The following URI1 variants were observed in gnomAD, a reference collection of about 807,000 sequenced individuals.
URI1 encodes the protein URI1 prefoldin like chaperone.
Under a neutral mutation model 60.2 loss-of-function variants are expected in URI1, and 39 were observed. The ratio of observed to expected loss-of-function variants is 0.65; its 90% confidence interval spans 0.50 to 0.85. The LOEUF is 0.85. Ranked by LOEUF, URI1 falls within the 40% of genes least tolerant of loss-of-function variation. The pLI is 0.00. For synonymous variants in URI1, 251 were observed against 236.8 expected (o/e 1.06, Z -0.55); for missense variants, 691 against 665.9 (o/e 1.04, Z -0.42).
intron 1 of URI1, among the ~76,000 whole-genome samples, chr19:29,955,621 A>G (rs1389918499): frequency 6.6e-6 from 1 of 151,796 alleles, no homozygotes; most frequent in Non-Finnish European, 1.5e-5. Context: ...GTTTCCTGTG[A>G]TCTTCATTGC....
intron 4 of URI1, among the ~76,000 whole-genome samples, chr19:30,002,661 T>A (rs949641738): frequency 6.6e-6 from 1 of 151,966 alleles, no homozygotes; most frequent in Non-Finnish European, 1.5e-5. Flanking sequence ...AATTACTAAT[T>A]TTTTTCTTCA....
intron 1 of URI1, among the ~76,000 whole-genome samples, chr19:29,963,545 C>T (rs954386066): frequency 1.3e-5 from 2 of 152,044 alleles, no homozygotes; most frequent in Non-Finnish European, 2.9e-5. Flanking sequence ...TGTTTGTTAA[C>T]ACCAGTATCT....
intron 9 of URI1, 57 bp downstream of exon 9, chr19:30,011,293 C>T: frequency 6.5e-7 from 1 of 1,535,960 alleles, no homozygotes; most frequent in South Asian, 1.3e-5. Flanking sequence ...CTTTCTGCCA[C>T]TGAACCTTTA....
chr19:29,934,438 A>G (rs2054950598), intron 1 of URI1, among the ~76,000 whole-genome samples: 1 of 152,198 alleles, frequency 6.6e-6, no homozygotes. Context: ...AGCAGGGTTG[A>G]TATTTTCTCA....
At chr19:29,939,979 C>T (rs2055007781), upstream of URI1, among the ~76,000 whole-genome samples, 1 of 152,202 alleles carries the variant, frequency 6.6e-6, no homozygotes, top group Non-Finnish European at 1.5e-5. Flanking sequence ...CTGACATGAC[C>T]TGATCCCCTT....
At chr19:29,971,310 CGT>C in intron 2 of URI1, 83 bp downstream of exon 2, 16 of 1,394,410 alleles carry the variant, frequency 1.1e-5, no homozygotes, top group Non-Finnish European at 1.3e-5. Flanking sequence ...TTACTGTTTG[CGT>C]GTGTGTGTAT....
chr19:30,011,252 AG>A lies in URI1; in HGVS notation c.1178+17del, dbSNP rs1440662203. ...ACATTTACAGGTGGGAGGCGCTCAC[AG>A]CTGCAGGGCAGTCTGCTGGGCTTGC... On this transcript the variant is annotated intron_variant, in intron 9 of 10. Coordinates refer to ENST00000392271, the MANE Select transcript of URI1 (RefSeq NM_003796.3). 9 of 1,590,614 alleles carry A rather than the reference AG, an allele frequency of 5.7e-6. No individual in the cohort carries two copies. Among genetic ancestry groups the A allele is most frequent in the Non-Finnish European group, 7.7e-6 (9 of 1,172,568 alleles).
chr19:29,981,308 T>C lies in URI1; in HGVS notation c.153-3915T>C, dbSNP rs149692744. On this transcript the variant is annotated intron_variant, in intron 2 of 10. Transcript: ENST00000392271. ...AATTTCAAATTAAGTTGTGGACATC[T>C]GTGTATTTCACCCCTAAATACTTGA... Among the ~76,000 whole-genome samples the C allele has an allele frequency of 1.5e-4, 23 of 152,318 alleles. No individual in the cohort carries two copies. In the East Asian group the frequency reaches 4.2e-3, roughly 28 times the overall value.
chr19:29,927,062 G>A (rs2054874586), intron 1 of URI1, among the ~76,000 whole-genome samples: 1 of 152,166 alleles, frequency 6.6e-6, no homozygotes, highest in Non-Finnish European at 1.5e-5. Flanking sequence ...GCCTGGGGTG[G>A]GAGATGGGAG....
intron 1 of URI1, among the ~76,000 whole-genome samples, chr19:29,950,439 A>G (rs1039696240): frequency 6.6e-6 from 1 of 152,214 alleles, no homozygotes; most frequent in African/African-American, 2.4e-5. Flanking sequence ...TCCCCCCTTA[A>G]ACTACAACTG....
chr19:29,928,436 C>A lies in URI1; in HGVS notation c.63+4682C>A, dbSNP rs895314800. Among the ~76,000 whole-genome samples, 11 of 152,294 alleles carry A rather than the reference C, an allele frequency of 7.2e-5. No individual in the cohort carries two copies. In the South Asian group the frequency reaches 2.1e-3, roughly 29 times the overall value. On this transcript the variant is annotated intron_variant, in intron 1 of 10. Coordinates refer to the URI1 transcript ENST00000360605. ...CAGTCTGGGCCGATGTCACGAAACG[C>A]CCCTTTCCTTTCCACCACCTCCCTT...
intron 1 of URI1, among the ~76,000 whole-genome samples, chr19:29,952,773 T>TA (rs2055195425): frequency 6.6e-6 from 1 of 152,214 alleles, no homozygotes; most frequent in Admixed American, 6.5e-5. Context: ...GTGACATTGA[T>TA]TACATTCACT....
rs544500442 is a variant in URI1 at position 29,950,427 on chromosome 19, T to G, written c.117+7763T>G. On this transcript the variant is annotated intron_variant, in intron 1 of 10. Coordinates refer to ENST00000392271, the MANE Select transcript of URI1 (RefSeq NM_003796.3). ...ATCTTTTTAGTCTGTCATATGCAAT[T>G]TTCCCCCCTTAAACTACAACTGTTT... 3.3e-5 allele frequency among the ~76,000 whole-genome samples: 5 copies of G among 152,340 alleles called. No individual in the cohort carries two copies. In the South Asian group the frequency reaches 1.0e-3, roughly 32 times the overall value.
At chr19:30,012,705 T>C in intron 10 of URI1, 174 bp downstream of exon 10, 1 of 790,396 alleles carries the variant, frequency 1.3e-6, no homozygotes, top group Non-Finnish European at 1.8e-6. Context: ...AATCAAATAG[T>C]TTATTTTTTG....
chr19:29,944,358 AGAG>A (rs2055078001), intron 1 of URI1, among the ~76,000 whole-genome samples: 4 of 151,120 alleles, frequency 2.6e-5, no homozygotes, highest in Admixed American at 2.0e-4. Flanking sequence ...ACAGACCCTC[AGAG>A]GATGGTGTTT....
chr19:29,992,670 CT>C (rs2055761692), intron 4 of URI1, among the ~76,000 whole-genome samples: 1 of 152,144 alleles, frequency 6.6e-6, no homozygotes, highest in Non-Finnish European at 1.5e-5. Flanking sequence ...ACTCTAAATA[CT>C]TGCTTTGAGA....
chr19:29,986,808 T>G (rs1240345343), intron 4 of URI1, among the ~76,000 whole-genome samples: 1 of 152,218 alleles, frequency 6.6e-6, no homozygotes, highest in Non-Finnish European at 1.5e-5. Flanking sequence ...TTCTCCTTAG[T>G]GAACTAAGAG....
At chr19:29,942,238 C>T (rs535442462), upstream of URI1, 11 of 984,640 alleles carry the variant, frequency 1.1e-5, no homozygotes, top group Admixed American at 4.3e-4. Flanking sequence ...AGAGGCGGGG[C>T]GTGTGGGGAG....
Position 29,973,307 on chromosome 19 carries a change from G to A in URI1, c.152+2080G>A, listed in dbSNP as rs371046141. Among the ~76,000 whole-genome samples, 82 of 152,210 alleles carry A rather than the reference G, an allele frequency of 5.4e-4. 2 individuals are homozygous for A. The South Asian group carries it at 0.016, about 29-fold the overall frequency. On this transcript the variant is annotated intron_variant, in intron 2 of 10. Transcript: ENST00000392271. ...ATCACGATAATTTTGTGCTATTTGC[G>A]GAGATATGAAGCAACTACAGGAGTT...
Sources: gnomAD v4.1 joint callset for allele counts (sites outside exome capture counted in the v4.1 genomes callset) on GRCh38, gnomAD v4.1.1 for gene constraint, MANE v1.5 for transcripts, NCBI Gene and HGNC (gene_info 2026-07-23, HGNC 2026-07-21) for gene names.